PRIM2: variants seen among roughly 807,000 people sequenced by gnomAD.
PRIM2 encodes the protein DNA primase subunit 2, also known as DNA primase large subunit.
PRIM2 carries 39 observed loss-of-function variants against 67.3 expected under a neutral mutation model. The ratio of observed to expected loss-of-function variants is 0.58; its 90% CI spans 0.45 to 0.76. The LOEUF (loss-of-function observed/expected upper bound fraction) is 0.76. Among genes scored for constraint, PRIM2 ranks in the 30% least tolerant of loss-of-function variants. The probability of loss-of-function intolerance (pLI) is 0.00; values close to 1 mark genes in which losing one functional copy is unlikely to be tolerated. For synonymous variants in PRIM2, 143 were observed against 198.7 expected (o/e 0.72, Z 2.36); for missense variants, 398 against 598.7 (o/e 0.66, Z 3.50).
upstream of PRIM2, among the ~76,000 whole-genome samples, chr6:57,315,230 T>C (rs1390006371): frequency 6.6e-6 from 1 of 152,210 alleles, no homozygotes; most frequent in Non-Finnish European, 1.5e-5. Context: ...AGTGCTGGAA[T>C]TCTTAACTAG....
intron 7 of PRIM2, among the ~76,000 whole-genome samples, chr6:57,497,882 G>T (rs1774039788): frequency 6.6e-6 from 1 of 152,270 alleles, no homozygotes; most frequent in Admixed American, 6.5e-5. Flanking sequence ...GGGAGAACAT[G>T]AAACTAGAGA....
At chr6:57,450,378 CA>C (rs1772504292) in intron 7 of PRIM2, among the ~76,000 whole-genome samples, 1 of 152,164 alleles carries the variant, frequency 6.6e-6, no homozygotes, top group African/African-American at 2.4e-5. Flanking sequence ...TTCATTGCTT[CA>C]CTACTGTACC....
chr6:57,401,701 C>T (rs1770713907), intron 7 of PRIM2, among the ~76,000 whole-genome samples: 1 of 152,120 alleles, frequency 6.6e-6, no homozygotes. Context: ...CATGGGGGCT[C>T]CACTCCAGAG....
rs1258661004 is a variant in PRIM2 at position 57,597,089 on chromosome 6, A to G, written c.1021-4004A>G. ...TCAGATACTGAGTAGGCATGCTACGATGAGTACGCAACCAAGTCCCTGCCC... is the reference window on the plus strand; with the variant it reads ...TCAGATACTGAGTAGGCATGCTACGGTGAGTACGCAACCAAGTCCCTGCCC... On this transcript the variant is annotated intron_variant, in intron 10 of 13. Transcript: ENST00000615550. Among the ~76,000 whole-genome samples the G allele has an allele frequency of 1.7e-4, 26 of 151,968 alleles. No homozygotes were observed. The East Asian group carries it at 4.7e-3, about 28-fold the overall frequency.
chr6:57,614,366 A>G (rs1776717223), intron 12 of PRIM2, among the ~76,000 whole-genome samples: 1 of 152,212 alleles, frequency 6.6e-6, no homozygotes, highest in African/African-American at 2.4e-5. Context: ...ATTGTGTTAC[A>G]TGAACATCTT....
intron 7 of PRIM2, among the ~76,000 whole-genome samples, chr6:57,419,825 T>G (rs1771404840): frequency 6.6e-6 from 1 of 152,178 alleles, no homozygotes; most frequent in African/African-American, 2.4e-5. Flanking sequence ...CCCACCAATA[T>G]AGAAGACAGC....
At chr6:57,296,600 G>T in the PRIM2 span, among the ~76,000 whole-genome samples, 3 of 151,694 alleles carry the variant, frequency 2.0e-5, no homozygotes, top group South Asian at 2.1e-4. Flanking sequence ...GGTGGTGGTG[G>T]TAGTGGGTGG....
intron 11 of PRIM2, among the ~76,000 whole-genome samples, chr6:57,603,486 A>G: frequency 6.6e-6 from 1 of 152,214 alleles, no homozygotes; most frequent in South Asian, 2.1e-4. Context: ...AAGGTCAGAT[A>G]GTTGTAAGTA....
At chr6:57,261,225 T>A in the PRIM2 span, among the ~76,000 whole-genome samples, 2 of 152,118 alleles carry the variant, frequency 1.3e-5, no homozygotes, top group African/African-American at 4.8e-5. Context: ...GAGTAAGGCA[T>A]CCTTGAGATT....
the PRIM2 span, among the ~76,000 whole-genome samples, chr6:57,264,990 G>A: frequency 3.9e-5 from 6 of 152,140 alleles, no homozygotes; most frequent in Admixed American, 6.5e-5. Flanking sequence ...GATGTCTTCC[G>A]TAAAATAGTA....
intron 12 of PRIM2, among the ~76,000 whole-genome samples, chr6:57,611,573 T>A (rs1350004504): frequency 6.6e-6 from 1 of 152,148 alleles, no homozygotes; most frequent in Non-Finnish European, 1.5e-5. Flanking sequence ...CAAGTAGATC[T>A]AGAACAATTG....
the PRIM2 span, among the ~76,000 whole-genome samples, chr6:57,301,260 G>A: frequency 7.2e-5 from 11 of 152,124 alleles, 1 homozygote; most frequent in Non-Finnish European, 1.6e-4. Flanking sequence ...GGTCACGGCG[G>A]GTAGATCACC....
chr6:57,589,867 T>A (rs1361720137), intron 10 of PRIM2, among the ~76,000 whole-genome samples: 1 of 151,876 alleles, frequency 6.6e-6, no homozygotes, highest in Admixed American at 6.6e-5. Flanking sequence ...AGAGGCCTCA[T>A]AAAGAGCAGG....
chr6:57,500,368 A>C (rs1387097076), intron 7 of PRIM2, among the ~76,000 whole-genome samples: 1 of 152,260 alleles, frequency 6.6e-6, no homozygotes, highest in African/African-American at 2.4e-5. Context: ...AATGTATGCA[A>C]AATAGTAGAA....
At chr6:57,246,276 T>C in the PRIM2 span, among the ~76,000 whole-genome samples, 1 of 152,218 alleles carries the variant, frequency 6.6e-6, no homozygotes. Context: ...TGTTCCTGTA[T>C]AACTACTTAC....
chr6:57,357,227 G>A lies in PRIM2; in HGVS notation c.460-22674G>A, dbSNP rs1581823913. On this transcript the variant is annotated intron_variant, in intron 5 of 13. Transcript: ENST00000615550. ...GATTACAGGAGTGAGCCACCGTGCC[G>A]GCCTATCCAATCCATTCTTTACCCT... is the stretch of plus-strand genomic sequence containing the variant. 4.6e-5 allele frequency among the ~76,000 whole-genome samples: 7 copies of A among 151,954 alleles called. No individual in the cohort carries two copies. In the South Asian group the frequency reaches 8.3e-4, roughly 18 times the overall value.
chr6:57,588,311 A>C (rs1213463436), intron 10 of PRIM2, among the ~76,000 whole-genome samples: 1 of 152,134 alleles, frequency 6.6e-6, no homozygotes, highest in Non-Finnish European at 1.5e-5. Context: ...GCAAAGCATC[A>C]AACCCCACCA....
intron 7 of PRIM2, among the ~76,000 whole-genome samples, chr6:57,434,663 G>A (rs1408957269): frequency 1.3e-5 from 2 of 151,360 alleles, no homozygotes; most frequent in Non-Finnish European, 2.9e-5. Context: ...TTTTTCTTTC[G>A]CTTGACTGCC....
the PRIM2 span, among the ~76,000 whole-genome samples, chr6:57,300,101 T>C: frequency 6.6e-6 from 1 of 152,202 alleles, no homozygotes; most frequent in Non-Finnish European, 1.5e-5. Context: ...AGGCTAAGGG[T>C]AATTTCAAAA....
Sources: gnomAD v4.1 joint callset for allele counts (sites outside exome capture counted in the v4.1 genomes callset) on GRCh38, gnomAD v4.1.1 for gene constraint, MANE v1.5 for transcripts, NCBI Gene and HGNC (gene_info 2026-07-23, HGNC 2026-07-21) for gene names.